The following RAG2 variants were observed in gnomAD, a reference collection of about 807,000 sequenced individuals.
The protein encoded by RAG2 is V(D)J recombination-activating protein 2.
Under a neutral mutation model 31.8 loss-of-function variants are expected in RAG2, and 16 were observed. The ratio of observed to expected loss-of-function variants is 0.50; its 90% CI spans 0.34 to 0.76. The LOEUF (loss-of-function observed/expected upper bound fraction) is 0.76, where lower values mean the gene tolerates loss of function less well. Among genes scored for constraint, RAG2 ranks in the 30% least tolerant of loss-of-function variants. The pLI is 0.01. For synonymous variants in RAG2, 199 were observed against 215.9 expected, an observed-to-expected ratio of 0.92 and a Z score of 0.68; for missense variants, 622 against 628.5, an observed-to-expected ratio of 0.99 and a Z score of 0.11.
Position 36,592,994 on chromosome 11 carries a change from C to A in RAG2, c.1175G>T (p.Ser392Ile). ...GTCAAATTCATCATCACCATCAAAACTATTTGCTTCTGCACTGAAACAAAA... is the reference window on the plus strand; with the variant it reads ...GTCAAATTCATCATCACCATCAAAAATATTTGCTTCTGCACTGAAACAAAA... ...EEFCFSAEAN[S>I]FDGDDEFDTY... The change falls in exon 2 of 2, where the codon AGT (serine) becomes ATT (isoleucine). Residue 392 changes from serine to isoleucine, a missense_variant. Physicochemically the swap from Ser to Ile is moderately radical, Grantham distance 142 (BLOSUM62 -2). Transcript: ENST00000311485. The A allele has an allele frequency of 6.2e-7, 1 of 1,614,136 alleles. No homozygotes were observed. Among genetic ancestry groups the A allele is most frequent in the Non-Finnish European group, 8.5e-7 (1 of 1,180,004 alleles).
In RAG2 at chr11:36,593,545, G is replaced by C; in HGVS notation, c.624C>G (p.Val208=). The change falls in exon 2 of 2, where the codon GTC becomes GTG. Residue 208 remains valine, a synonymous_variant. Transcript: ENST00000311485. ...PELQDGLSFH[V]SIAKNDTIYI... is the part of the protein sequence containing the mutation. Reference sequence around the variant, plus strand: ...AGATGGTGTCATTTTTGGCAATAGAGACATGAAAAGATAGCCCATCCTGAA... The same window carrying C: ...AGATGGTGTCATTTTTGGCAATAGACACATGAAAAGATAGCCCATCCTGAA... 6.2e-7 allele frequency: 1 copy of C among 1,614,140 alleles called. No individual in the cohort carries two copies. The highest frequency in any genetic ancestry group is 8.5e-7 in the Non-Finnish European group (1 of 1,180,006).
At chr11:36,597,931 G>A in intron 1 of RAG2, among the ~76,000 whole-genome samples, 171 bp downstream of exon 1, 1 of 152,066 alleles carries the variant, frequency 6.6e-6, no homozygotes, top group East Asian at 1.9e-4. Context: ...GAAGCAGCCA[G>A]AGAACAGAAA....
In RAG2 at chr11:36,593,772, C is replaced by T. The variant is rs1446757910; in HGVS notation, c.397G>A (p.Val133Ile). The change falls in exon 2 of 2, where the codon GTT (valine) becomes ATT (isoleucine). Residue 133 changes from valine to isoleucine, a missense_variant. Transcript: ENST00000311485. ...RCTEKDLVGD[V>I]PEARYGHSIN... ...GAATGACCATATCTGGCTTCAGGAA[C>T]ATCTCCTACCAAGTCTTTCTCTGTG... 1 of 1,614,208 alleles carries T rather than the reference C, an allele frequency of 6.2e-7. No homozygotes were observed. Among genetic ancestry groups the T allele is most frequent in the Non-Finnish European group, 8.5e-7 (1 of 1,180,034 alleles).
chr11:36,592,697 G>C lies in RAG2; in HGVS notation c.1472C>G (p.Pro491Arg). 2.5e-6 allele frequency: 4 copies of C among 1,614,060 alleles called. No individual in the cohort carries two copies. Among genetic ancestry groups the C allele is most frequent in the Non-Finnish European group, 3.4e-6 (4 of 1,179,996 alleles). Residue 491 changes from proline (P) to arginine (R), a missense_variant, in exon 2 of 2, where the codon CCC becomes CGC. Pro to Arg is a moderately radical substitution (Grantham distance 103). Coordinates refer to ENST00000311485, the MANE Select transcript of RAG2 (RefSeq NM_000536.4). ...CTTTTTTAAGGGTAGGACTCTTTGG[G>C]GAGTGTGTAGAGCTCTTGCTATCTC... ...HVEIARALHT[P>R]QRVLPLKKPP...
rs1851033047 is a variant in RAG2 at position 36,592,258 on chromosome 11, A to C, written c.*327T>G. The stretch of plus-strand genomic sequence containing the variant: ...TATAGGTTATTTGTTACCAAGACTT[A>C]TATAATAAATATAAACATACCTCGA... On this transcript the variant is annotated 3_prime_UTR_variant, in exon 2 of 2. Coordinates refer to ENST00000311485, the MANE Select transcript of RAG2 (RefSeq NM_000536.4). The C allele has an allele frequency of 3.3e-6, 1 of 299,802 alleles. No individual in the cohort carries two copies. The highest frequency in any genetic ancestry group is 3.7e-5 in the South Asian group (1 of 27,290). 18.6% of individuals were successfully genotyped at this position (299,802 alleles called of 1,614,324 possible).
chr11:36,593,006 G>C lies in RAG2; in HGVS notation c.1163C>G (p.Ala388Gly). The change falls in exon 2 of 2, where the codon GCA becomes GGA. Residue 388 changes from alanine (A) to glycine (G), a missense_variant. Ala to Gly is a moderately conservative substitution (Grantham distance 60). Coordinates refer to ENST00000311485, the MANE Select transcript of RAG2 (RefSeq NM_000536.4). ...FEDSEEFCFS[A>G]EANSFDGDDE... ...ATCACCATCAAAACTATTTGCTTCT[G>C]CACTGAAACAAAATTCTTCAGAGTC... 6.2e-7 allele frequency: 1 copy of C among 1,614,080 alleles called. No individual in the cohort carries two copies. The highest frequency in any genetic ancestry group is 8.5e-7 in the Non-Finnish European group (1 of 1,180,010).
rs772457166 is a variant in RAG2 at position 36,593,907 on chromosome 11, T to C, written c.262A>G (p.Lys88Glu). 6.2e-7 allele frequency: 1 copy of C among 1,614,222 alleles called. No individual in the cohort carries two copies. The highest frequency in any genetic ancestry group is 1.1e-5 in the South Asian group (1 of 91,084). Residue 88 changes from lysine to glutamate, a missense_variant, in exon 2 of 2, where the codon AAG (lysine) becomes GAG (glutamate). Coordinates refer to ENST00000311485, the MANE Select transcript of RAG2 (RefSeq NM_000536.4). ...CTFKGSLESE[K>E]HQYIIHGGKT... Reference sequence around the variant, plus strand: ...CCTCCATGGATGATGTATTGATGCTTTTCAGACTCCAAGCTGCCTTTGAAT... The same window carrying C: ...CCTCCATGGATGATGTATTGATGCTCTTCAGACTCCAAGCTGCCTTTGAAT...
At position 36,592,296 on chromosome 11, in the gene RAG2, C is replaced by T. The variant is rs1383454686; in HGVS notation, c.*289G>A. On this transcript the variant is annotated 3_prime_UTR_variant, in exon 2 of 2. Coordinates refer to ENST00000311485, the MANE Select transcript of RAG2 (RefSeq NM_000536.4). ...AAACATACCTCGATGATTATTACTG[C>T]TTCTGGGTGTTTAAGGTTTGTTGAA... The T allele has an allele frequency of 3.0e-5, 12 of 402,670 alleles. No homozygotes were observed. The East Asian group carries it at 6.5e-4, about 22-fold the overall frequency. The allele number at this position is 402,670 out of a possible 1,614,324, so 24.9% of individuals were successfully genotyped here. A position where few individuals can be genotyped will look rare whatever the true frequency, so the allele number is the denominator to read the frequency against.
At chr11:36,594,264 C>T in intron 1 of RAG2, 69 bp from the exon 2 acceptor site, 1 of 1,031,564 alleles carries the variant, frequency 9.7e-7, no homozygotes, top group Non-Finnish European at 1.5e-6. Context: ...GATTCCTTCA[C>T]ATGTGAATAG....
chr11:36,598,162 T>C lies in RAG2; in HGVS notation c.-88A>G, dbSNP rs1851354886. On this transcript the variant is annotated 5_prime_UTR_variant, in exon 1 of 2. Transcript: ENST00000311485. ...TCTTTGCCGCTAAACCAGGTATTAA[T>C]TGTCAGCACTTGGGGAAGATTCACT... The C allele has an allele frequency of 6.6e-6, 1 of 152,052 alleles. No individual in the cohort carries two copies. The highest frequency in any genetic ancestry group is 1.5e-5 in the Non-Finnish European group (1 of 68,014). The allele number at this position is 152,052 out of a possible 1,614,324, so 9.4% of individuals were successfully genotyped here.
At chr11:36,594,319 G>A (rs754870165) in intron 1 of RAG2, 124 bp from the exon 2 acceptor site, 5 of 695,080 alleles carry the variant, frequency 7.2e-6, no homozygotes, top group Middle Eastern at 3.9e-4. Flanking sequence ...GACTGAATGA[G>A]GAAAATCCAA....
intron 1 of RAG2, chr11:36,594,442 CT>C: frequency 2.1e-6 from 1 of 487,466 alleles, no homozygotes. Context: ...AATTGTAGTC[CT>C]TTTCCGTAAA....
intron 1 of RAG2, chr11:36,595,326 C>T (rs530282520): frequency 1.3e-5 from 2 of 152,208 alleles, no homozygotes; most frequent in South Asian, 4.1e-4. Flanking sequence ...GAATTTCATA[C>T]TTGTGTTACA....
intron 1 of RAG2, among the ~76,000 whole-genome samples, chr11:36,597,174 A>G (rs1240800164): frequency 2.0e-5 from 3 of 152,232 alleles, no homozygotes; most frequent in African/African-American, 7.2e-5. Flanking sequence ...AAGTGTTTTC[A>G]CATGATTTTG....
chr11:36,592,403 G>T lies in RAG2; in HGVS notation c.*182C>A. 1 of 731,488 alleles carries T rather than the reference G, an allele frequency of 1.4e-6. No individual in the cohort carries two copies. The highest frequency in any genetic ancestry group is 1.9e-5 in the South Asian group (1 of 51,502). 45.3% of individuals were successfully genotyped at this position (731,488 alleles called of 1,614,324 possible). On this transcript the variant is annotated 3_prime_UTR_variant, in exon 2 of 2. Coordinates refer to ENST00000311485, the MANE Select transcript of RAG2 (RefSeq NM_000536.4). ...GGTAAAATATTTTCAAAATGTATAGGGTCTAGAATGACTTTATTTATCATT... is the reference window on the plus strand; with the variant it reads ...GGTAAAATATTTTCAAAATGTATAGTGTCTAGAATGACTTTATTTATCATT...
intron 1 of RAG2, among the ~76,000 whole-genome samples, chr11:36,595,808 C>T (rs756239660): frequency 2.7e-4 from 41 of 152,210 alleles, no homozygotes; most frequent in Non-Finnish European, 4.9e-4. Flanking sequence ...TGCATACGCA[C>T]CTGCCAGTAA....
rs1166784026 is a variant in RAG2, at chr11:36,592,454, C to T, written c.*131G>A. 4 of 1,208,870 alleles carry T rather than the reference C, an allele frequency of 3.3e-6. No homozygotes were observed. Among genetic ancestry groups the T allele is most frequent in the African/African-American group, 1.5e-5 (1 of 64,830 alleles). The allele number at this position is 1,208,870 out of a possible 1,614,324, so 74.9% of individuals were successfully genotyped here. The stretch of plus-strand genomic sequence containing the variant: ...GCATTATAAACACTTTTTTCTGGCC[C>T]TTAATTCATGTAACTAAAAGAAAAC... On this transcript the variant is annotated 3_prime_UTR_variant, in exon 2 of 2. Coordinates refer to ENST00000311485, the MANE Select transcript of RAG2 (RefSeq NM_000536.4).
chr11:36,596,743 G>A (rs189602642), intron 1 of RAG2, among the ~76,000 whole-genome samples: 1 of 152,316 alleles, frequency 6.6e-6, no homozygotes, highest in African/African-American at 2.4e-5. Flanking sequence ...AGTGGTAATG[G>A]ATTCCAGATC....
chr11:36,594,232 C>T (rs1851113171), intron 1 of RAG2, 37 bp from the exon 2 acceptor site: 1 of 1,279,464 alleles, frequency 7.8e-7, no homozygotes, highest in Non-Finnish European at 1.1e-6. Flanking sequence ...TTAGAGATCG[C>T]TTCATATAAT....
Sources: allele counts gnomAD v4.1 joint callset (sites outside exome capture counted in the v4.1 genomes callset), GRCh38; gene constraint gnomAD v4.1.1; transcripts MANE v1.5; gene names NCBI Gene and HGNC (gene_info 2026-07-23, HGNC 2026-07-21).